Variants in PRDM2 observed in about 807,000 individuals in gnomAD.
PRDM2 encodes the protein PR domain zinc finger protein 2.
In PRDM2, 30 loss-of-function variants were observed where a neutral mutation model predicts 130.0. The ratio of observed to expected loss-of-function variants is 0.23; its 90% confidence interval spans 0.17 to 0.31. The LOEUF is 0.31. Ranked by LOEUF, PRDM2 falls within the 10% of genes least tolerant of loss-of-function variation. The probability of loss-of-function intolerance (pLI) is 1.00; values close to 1 mark genes in which losing one functional copy is unlikely to be tolerated. For missense variants in PRDM2, 2,011 were observed against 2,108.4 expected (o/e 0.95, Z 0.90); for synonymous variants, 871 against 782.4 (o/e 1.11, Z -1.89).
At chr1:13,718,313 A>G (rs1318153317) in intron 2 of PRDM2, among the ~76,000 whole-genome samples, 3 of 152,220 alleles carry the variant, frequency 2.0e-5, no homozygotes, top group African/African-American at 7.2e-5. Flanking sequence ...TCTCAAAGAC[A>G]ATAGCATAGA....
intron 6 of PRDM2, among the ~76,000 whole-genome samples, chr1:13,758,787 T>G (rs1569897931): frequency 6.6e-6 from 1 of 152,346 alleles, no homozygotes; most frequent in East Asian, 1.9e-4. Flanking sequence ...GTTTTAATAA[T>G]CTAGTCAACG....
intron 8 of PRDM2, among the ~76,000 whole-genome samples, chr1:13,795,907 C>T (rs1439548038): frequency 6.6e-6 from 1 of 152,120 alleles, no homozygotes; most frequent in African/African-American, 2.4e-5. Flanking sequence ...GGAGCAGTTG[C>T]CCAGGGTGCT....
intron 4 of PRDM2, among the ~76,000 whole-genome samples, chr1:13,737,589 A>T (rs1366731895): frequency 6.6e-6 from 1 of 152,214 alleles, no homozygotes; most frequent in Admixed American, 6.5e-5. Context: ...AGCAGTGCAT[A>T]GGTTTTGAAT....
intron 8 of PRDM2, among the ~76,000 whole-genome samples, chr1:13,791,624 C>G (rs1980471): frequency 0.36 from 54,167 of 151,990 alleles, 10,192 homozygotes; most frequent in Admixed American, 0.5. Flanking sequence ...CTGCCGATAC[C>G]TTATTTTTAA....
chr1:13,779,078 A>C lies in PRDM2; in HGVS notation c.1283A>C (p.Glu428Ala). The change falls in exon 8 of 10, where the codon GAG (glutamate) becomes GCG (alanine). Residue 428 changes from glutamate to alanine, a missense_variant. By Grantham distance (107) the Glu-to-Ala change is moderately radical. Coordinates refer to ENST00000311066, the MANE Select transcript of PRDM2 (RefSeq NM_001393986.1). The surrounding 1 kb of genome is among the most constrained non-coding windows in gnomAD (Gnocchi z 4.9). ...CCCAGCCAAACACTACAGCCGTCAG[A>C]GGATCTGGCTGATGGCAAAGCATCT... ...RKPSQTLQPS[E>A]DLADGKASGE... 1.9e-6 allele frequency: 3 copies of C among 1,614,238 alleles called. No homozygotes were observed. Among genetic ancestry groups the C allele is most frequent in the Non-Finnish European group, 2.5e-6 (3 of 1,180,046 alleles).
chr1:13,747,144 C>G (rs1176167038), intron 5 of PRDM2, among the ~76,000 whole-genome samples: 1 of 152,156 alleles, frequency 6.6e-6, no homozygotes, highest in Non-Finnish European at 1.5e-5. Context: ...TTGAAAATGT[C>G]CGGTGGTATC....
intron 6 of PRDM2, among the ~76,000 whole-genome samples, chr1:13,753,109 C>T (rs1401418668): frequency 2.0e-5 from 3 of 152,224 alleles, no homozygotes; most frequent in African/African-American, 7.2e-5. Flanking sequence ...TTCCCTCTTC[C>T]CTCCTACGTC....
At position 13,779,622 on chromosome 1, in the gene PRDM2, T is replaced by C. The variant is rs767598746; in HGVS notation, c.1827T>C (p.Ile609=). 3 of 1,614,012 alleles carry C rather than the reference T, an allele frequency of 1.9e-6. No homozygotes were observed. Reference sequence around the variant, plus strand: ...TGCTCACTCCAGTTACAGTGGAAATTACTCAAAATATAAAGACCACACAGG... The same window carrying C: ...TGCTCACTCCAGTTACAGTGGAAATCACTCAAAATATAAAGACCACACAGG... ...NCLLTPVTVE[I]TQNIKTTQVP... The change falls in exon 8 of 10, where the codon ATT becomes ATC. Residue 609 remains isoleucine (I), a synonymous_variant. Coordinates refer to ENST00000311066, the MANE Select transcript of PRDM2 (RefSeq NM_001393986.1). The surrounding 1 kb of genome is among the most constrained non-coding windows in gnomAD (Gnocchi z 4.9).
chr1:13,749,352 T>C lies in PRDM2; in HGVS notation c.385-9T>C. On this transcript the variant is annotated splice_polypyrimidine_tract_variant and intron_variant, in intron 5 of 9. Transcript: ENST00000311066. ...ATTGGCCCGGCGCTTGTCTCTTCTC[T>C]CCCCGCAGCCAATCGCGCCGGGCGA... is the stretch of plus-strand genomic sequence containing the variant. The C allele has an allele frequency of 6.8e-7, 1 of 1,477,508 alleles. No individual in the cohort carries two copies. Among genetic ancestry groups the C allele is most frequent in the Non-Finnish European group, 9.1e-7 (1 of 1,099,458 alleles). The allele number at this position is 1,477,508 out of a possible 1,614,324, so 91.5% of individuals were successfully genotyped here. A position where few individuals can be genotyped will look rare whatever the true frequency, so the allele number is the denominator to read the frequency against.
Position 13,749,505 on chromosome 1 carries a change from C to A in PRDM2, c.511+18C>A. The A allele has an allele frequency of 1.5e-6, 2 of 1,333,556 alleles. No individual in the cohort carries two copies. Among genetic ancestry groups the A allele is most frequent in the South Asian group, 1.3e-5 (1 of 75,240 alleles). The allele number at this position is 1,333,556 out of a possible 1,614,324, so 82.6% of individuals were successfully genotyped here. ...CCGGAAAGGTAGGAGCCCCCCGGCC[C>A]GCCCGCCCGGCCCCGGCGCCACGCC... On this transcript the variant is annotated intron_variant, in intron 6 of 9. Transcript: ENST00000311066.
intron 1 of PRDM2, among the ~76,000 whole-genome samples, chr1:13,712,831 C>T (rs1642413983): frequency 6.6e-6 from 1 of 152,178 alleles, no homozygotes; most frequent in Non-Finnish European, 1.5e-5. Context: ...GATCCAGTTA[C>T]TTTTCACATC....
At chr1:13,821,706 A>G (rs1361328192) in intron 9 of PRDM2, among the ~76,000 whole-genome samples, 1 of 152,076 alleles carries the variant, frequency 6.6e-6, no homozygotes, top group Non-Finnish European at 1.5e-5. Context: ...ACCTCAAGTG[A>G]TCTGCCCACC....
chr1:13,751,843 T>G (rs1643853035), intron 6 of PRDM2, among the ~76,000 whole-genome samples: 1 of 152,202 alleles, frequency 6.6e-6, no homozygotes, highest in Non-Finnish European at 1.5e-5. Context: ...GTGGTGCCTT[T>G]CAGAATTCAT....
At chr1:13,712,433 T>C (rs1488114178) in intron 1 of PRDM2, among the ~76,000 whole-genome samples, 3 of 152,282 alleles carry the variant, frequency 2.0e-5, no homozygotes, top group South Asian at 2.1e-4. Flanking sequence ...GAAGGCAGCA[T>C]CTCAGAAAAC....
At chr1:13,802,704 T>C (rs1645026677) in intron 8 of PRDM2, among the ~76,000 whole-genome samples, 1 of 152,238 alleles carries the variant, frequency 6.6e-6, no homozygotes, top group Non-Finnish European at 1.5e-5. Flanking sequence ...GCTCTTCTGC[T>C]GGATCTCATA....
intron 7 of PRDM2, among the ~76,000 whole-genome samples, chr1:13,777,453 CAGGGGCTT>C (rs1644500252): frequency 6.6e-6 from 1 of 151,296 alleles, no homozygotes; most frequent in African/African-American, 2.4e-5. Flanking sequence ...CAGCAGCCTG[CAGGGGCTT>C]GTGTAAGTAG....
In PRDM2 at chr1:13,781,060, G is replaced by A; in HGVS notation, c.3265G>A (p.Asp1089Asn). Reference sequence around the variant, plus strand: ...AATATCATCTGTTGTTTCCTCTGGTGATAATCTGGAGGCTTCTCTCCCCAT... The same window carrying A: ...AATATCATCTGTTGTTTCCTCTGGTAATAATCTGGAGGCTTCTCTCCCCAT... ...SAISSVVSSG[D>N]NLEASLPMIS... Residue 1089 changes from aspartate to asparagine, a missense_variant, in exon 8 of 10, where the codon GAT (aspartate) becomes AAT (asparagine). By Grantham distance (23) the Asp-to-Asn change is conservative. Around this residue, in one of 5 missense-constraint regions of PRDM2, gnomAD observed 1,288 missense variants for 1,237.7 expected, o/e 1.04. Transcript: ENST00000311066. The surrounding 1 kb of genome is among the most constrained non-coding windows in gnomAD (Gnocchi z 6.1). The A allele has an allele frequency of 6.2e-7, 1 of 1,612,900 alleles. No homozygotes were observed. The highest frequency in any genetic ancestry group is 8.5e-7 in the Non-Finnish European group (1 of 1,179,022).
intron 7 of PRDM2, among the ~76,000 whole-genome samples, chr1:13,776,463 T>C (rs1183214102): frequency 6.6e-6 from 1 of 152,186 alleles, no homozygotes; most frequent in Non-Finnish European, 1.5e-5. Context: ...CGATTACAGC[T>C]TCCGTCTTTA....
rs1478138809 is a variant in PRDM2 at position 13,781,245 on chromosome 1, C to T, written c.3450C>T (p.Thr1150=). The T allele has an allele frequency of 6.2e-7, 1 of 1,614,168 alleles. No individual in the cohort carries two copies. Among genetic ancestry groups the T allele is most frequent in the South Asian group, 1.1e-5 (1 of 91,076 alleles). ...CTTTTCTTTCCATTAAAGATCTAAC[C>T]AAACATTTATCTATTCATGCTGAAG... ...ESPFLSIKDL[T]KHLSIHAEEW... is the part of the protein sequence containing the mutation. Residue 1150 remains threonine (T), a synonymous_variant, in exon 8 of 10, where the codon ACC becomes ACT. Coordinates refer to ENST00000311066, the MANE Select transcript of PRDM2 (RefSeq NM_001393986.1). The surrounding 1 kb of genome is among the most constrained non-coding windows in gnomAD (Gnocchi z 6.1).
Sources: gnomAD v4.1 joint callset for allele counts (sites outside exome capture counted in the v4.1 genomes callset) on GRCh38, gnomAD v4.1.1 for gene constraint, gnomAD v4.1.1 regional missense constraint, Gnocchi (gnomAD v3.1) non-coding constraint, MANE v1.5 for transcripts, NCBI Gene and HGNC (gene_info 2026-07-23, HGNC 2026-07-21) for gene names.